Variants in CLDN10 observed in about 807,000 individuals in gnomAD.
CLDN10 encodes the protein claudin-10.
A neutral mutation model predicts 22.9 loss-of-function variants in CLDN10; 15 were observed. The observed-to-expected ratio is 0.65, with a 90% CI of 0.44 to 1.01. The LOEUF (loss-of-function observed/expected upper bound fraction) is 1.01. Among genes scored for constraint, CLDN10 ranks in the 50% least tolerant of loss-of-function variants. The pLI is 0.00. For missense variants in CLDN10, 247 were observed against 287.8 expected (o/e 0.86, Z 1.03); for synonymous variants, 114 against 111.4 (o/e 1.02, Z -0.15).
intron 3 of CLDN10, among the ~76,000 whole-genome samples, chr13:95,563,236 T>G (rs558921062): frequency 0.017 from 2,441 of 143,796 alleles, 67 homozygotes; most frequent in African/African-American, 0.058. Flanking sequence ...GAGAGAGAGA[T>G]AGATGTGATT....
At chr13:95,556,139 G>A (rs1018101111) in intron 1 of CLDN10, among the ~76,000 whole-genome samples, 2 of 151,846 alleles carry the variant, frequency 1.3e-5, no homozygotes, top group South Asian at 2.1e-4. Flanking sequence ...TCCACCTCCC[G>A]GGTTCAAGCA....
At chr13:95,445,613 G>A (rs541873451) in intron 1 of CLDN10, among the ~76,000 whole-genome samples, 23 of 152,310 alleles carry the variant, frequency 1.5e-4, no homozygotes, top group African/African-American at 5.1e-4. Flanking sequence ...TGGTCCCAAC[G>A]TAACCTCTAG....
intron 1 of CLDN10, among the ~76,000 whole-genome samples, chr13:95,462,951 T>C (rs1450067895): frequency 6.6e-6 from 1 of 152,162 alleles, no homozygotes; most frequent in Non-Finnish European, 1.5e-5. Flanking sequence ...GCCTAATTTA[T>C]GCCTTGTTCC....
At chr13:95,447,318 C>T (rs747388773) in intron 1 of CLDN10, among the ~76,000 whole-genome samples, 1 of 152,212 alleles carries the variant, frequency 6.6e-6, no homozygotes, top group South Asian at 2.1e-4. Flanking sequence ...TAAACTGATT[C>T]TACTGCAGTG....
At position 95,443,234 on chromosome 13, in the gene CLDN10, C is replaced by A. The variant is rs145097769; in HGVS notation, c.214+9187C>A. ...CATGTTTTGTGGACCTTAGGTGAAT[C>A]CCTGGCATTTGCCCTTGTTTCCCTT... On this transcript the variant is annotated intron_variant, in intron 1 of 4. Coordinates refer to the CLDN10 transcript ENST00000376873. 3.1e-3 allele frequency among the ~76,000 whole-genome samples: 467 copies of A among 152,270 alleles called. 3 individuals carry two copies. The highest frequency in any genetic ancestry group is 0.011 in the African/African-American group (454 of 41,562).
chr13:95,531,431 G>A (rs2043340974), intron 1 of CLDN10, among the ~76,000 whole-genome samples: 1 of 152,106 alleles, frequency 6.6e-6, no homozygotes, highest in Non-Finnish European at 1.5e-5. Context: ...TTTCTAGTAG[G>A]CGGTCAAAAG....
intron 1 of CLDN10, among the ~76,000 whole-genome samples, chr13:95,546,214 T>A (rs1042174938): frequency 6.6e-6 from 1 of 152,108 alleles, no homozygotes; most frequent in Non-Finnish European, 1.5e-5. Context: ...GTTCACACGC[T>A]GTAGATATTG....
At chr13:95,467,001 C>T (rs1393468841) in intron 1 of CLDN10, among the ~76,000 whole-genome samples, 2 of 150,520 alleles carry the variant, frequency 1.3e-5, no homozygotes, top group South Asian at 2.1e-4. Context: ...CTCAGCCTCC[C>T]GAGTAGCTAG....
chr13:95,571,141 A>T (rs961412119), intron 3 of CLDN10, among the ~76,000 whole-genome samples: 1 of 152,044 alleles, frequency 6.6e-6, no homozygotes, highest in South Asian at 2.1e-4. Flanking sequence ...AACGTCTAGA[A>T]AGCATCCACC....
At chr13:95,562,092 G>A (rs1447353353) in intron 3 of CLDN10, among the ~76,000 whole-genome samples, 3 of 151,924 alleles carry the variant, frequency 2.0e-5, no homozygotes, top group Non-Finnish European at 4.4e-5. Flanking sequence ...ACCATGCCCA[G>A]CTAATTTTTT....
At chr13:95,481,393 T>C (rs77729275) in intron 1 of CLDN10, among the ~76,000 whole-genome samples, 9,723 of 152,230 alleles carry the variant, frequency 0.064, 400 homozygotes, top group Middle Eastern at 0.088. Context: ...TCTGAATCAG[T>C]AGGTCTAGGG....
At chr13:95,548,217 A>G (rs1190296765), upstream of CLDN10, among the ~76,000 whole-genome samples, 3 of 152,260 alleles carry the variant, frequency 2.0e-5, no homozygotes, top group Non-Finnish European at 4.4e-5. Flanking sequence ...ATGTTCTAGC[A>G]TCACAGAGTG....
chr13:95,464,087 AT>A (rs1013928178), intron 1 of CLDN10, among the ~76,000 whole-genome samples: 21 of 150,212 alleles, frequency 1.4e-4, no homozygotes, highest in African/African-American at 4.4e-4. Context: ...CAGACCCATG[AT>A]TTTTTTTAAA....
At chr13:95,558,372 A>G (rs2043664209) in intron 1 of CLDN10, among the ~76,000 whole-genome samples, 1 of 152,160 alleles carries the variant, frequency 6.6e-6, no homozygotes, top group Non-Finnish European at 1.5e-5. Context: ...CTGCAGCACA[A>G]TGATTGCTAT....
At chr13:95,520,825 C>CA (rs2043216987) in intron 1 of CLDN10, among the ~76,000 whole-genome samples, 1 of 151,890 alleles carries the variant, frequency 6.6e-6, no homozygotes. Flanking sequence ...ACTAAAAATA[C>CA]AAAAATTAGC....
At chr13:95,456,064 A>C (rs915643907) in intron 1 of CLDN10, among the ~76,000 whole-genome samples, 4 of 152,256 alleles carry the variant, frequency 2.6e-5, no homozygotes, top group Non-Finnish European at 4.4e-5. Flanking sequence ...CATCCAGTGC[A>C]ATAAAAATGA....
At chr13:95,538,520 C>T (rs1201631387) in intron 1 of CLDN10, among the ~76,000 whole-genome samples, 1 of 152,172 alleles carries the variant, frequency 6.6e-6, no homozygotes, top group Non-Finnish European at 1.5e-5. Context: ...ATTGATTCAT[C>T]ATATTGATTT....
At chr13:95,510,410 T>G (rs2043083958) in intron 1 of CLDN10, among the ~76,000 whole-genome samples, 1 of 152,202 alleles carries the variant, frequency 6.6e-6, no homozygotes, top group African/African-American at 2.4e-5. Context: ...TCCTTTGCCA[T>G]TTCCAGAAGG....
chr13:95,569,079 G>T (rs539856870), intron 3 of CLDN10, among the ~76,000 whole-genome samples: 46 of 152,280 alleles, frequency 3.0e-4, no homozygotes, highest in African/African-American at 1.0e-3. Flanking sequence ...CTAGTTCATA[G>T]TAAACACTTA....
Sources: gnomAD v4.1 joint callset for allele counts (sites outside exome capture counted in the v4.1 genomes callset) on GRCh38, gnomAD v4.1.1 for gene constraint, MANE v1.5 for transcripts, NCBI Gene and HGNC (gene_info 2026-07-23, HGNC 2026-07-21) for gene names.